The following BACH2 variants were observed in gnomAD, a reference collection of about 807,000 sequenced individuals.
BACH2 encodes transcription regulator protein BACH2.
Under a neutral mutation model 61.8 loss-of-function variants are expected in BACH2, and 5 were observed. That is an observed-to-expected ratio of 0.08 (90% CI 0.04 to 0.17). BACH2 has a LOEUF of 0.17. Ranked by LOEUF, BACH2 falls within the 10% of genes least tolerant of loss-of-function variation. BACH2 has a pLI of 1.00. For missense variants in BACH2, 824 were observed against 1,091.1 expected (o/e 0.76, Z 3.45); for synonymous variants, 446 against 440.1 (o/e 1.01, Z -0.17).
Position 89,932,715 on chromosome 6 carries a change from G to A in BACH2, c.2219C>T (p.Thr740Met), listed in dbSNP as rs878885096. 1.2e-5 allele frequency: 20 copies of A among 1,614,162 alleles called. No individual in the cohort carries two copies. Among genetic ancestry groups the A allele is most frequent in the South Asian group, 5.5e-5 (5 of 91,076 alleles). The change falls in exon 9 of 9, where the codon ACG becomes ATG. Residue 740 changes from threonine to methionine, a missense_variant. Physicochemically the swap from Thr to Met is moderately conservative, Grantham distance 81 (BLOSUM62 -1). Around this residue, in one of 8 missense-constraint regions of BACH2, gnomAD observed 135 missense variants for 142.7 expected, o/e 0.95. Coordinates refer to ENST00000257749, the MANE Select transcript of BACH2 (RefSeq NM_021813.4). Reference sequence around the variant, plus strand: ...GGGCGCAGGGTTAATACTGGAGGCCGTGGGCAAGTCCATGGGTCTGAGGAC... The same window carrying A: ...GGGCGCAGGGTTAATACTGGAGGCCATGGGCAAGTCCATGGGTCTGAGGAC... ...CPVLRPMDLP[T>M]ASSINPAPLG...
chr6:90,145,885 G>A (rs1021323460), intron 4 of BACH2, among the ~76,000 whole-genome samples: 1 of 152,156 alleles, frequency 6.6e-6, no homozygotes, highest in South Asian at 2.1e-4. Context: ...AACCGGTAGA[G>A]GAAGACAATG....
chr6:90,117,736 T>A (rs983087475), intron 4 of BACH2, among the ~76,000 whole-genome samples: 3 of 152,168 alleles, frequency 2.0e-5, no homozygotes, highest in African/African-American at 7.2e-5. Context: ...AGAGTGTATA[T>A]GTGGTTAGCT....
At chr6:90,292,498 C>G (rs956799685) in intron 1 of BACH2, among the ~76,000 whole-genome samples, 1 of 152,214 alleles carries the variant, frequency 6.6e-6, no homozygotes, top group African/African-American at 2.4e-5. Context: ...AGGAATCACA[C>G]TGTACTCATG....
intron 5 of BACH2, among the ~76,000 whole-genome samples, chr6:90,071,694 A>C (rs1174336565): frequency 6.6e-6 from 1 of 152,216 alleles, no homozygotes; most frequent in Non-Finnish European, 1.5e-5. Context: ...CCGATCCCCG[A>C]CGCAGTCGAA....
In BACH2 at chr6:90,030,307, C is replaced by G. The variant is rs568212444; in HGVS notation, c.-12-21451G>C. Among the ~76,000 whole-genome samples, 4 of 152,294 alleles carry G rather than the reference C, an allele frequency of 2.6e-5. No individual in the cohort carries two copies. In the East Asian group the frequency reaches 7.7e-4, roughly 29 times the overall value. On this transcript the variant is annotated intron_variant, in intron 5 of 8. Transcript: ENST00000257749. ...TGCTTTCAGAATGTGACAGCGACCACAGCCCAGGCCTCTGCTGCCCTGGGA... is the reference window on the plus strand; with the variant it reads ...TGCTTTCAGAATGTGACAGCGACCAGAGCCCAGGCCTCTGCTGCCCTGGGA...
At chr6:90,256,280 T>G (rs1185981065) in intron 2 of BACH2, among the ~76,000 whole-genome samples, 1 of 152,196 alleles carries the variant, frequency 6.6e-6, no homozygotes, top group Non-Finnish European at 1.5e-5. Context: ...GTTGGTGACA[T>G]GTGATTGAGT....
chr6:89,990,309 A>G (rs1776473660), intron 6 of BACH2, among the ~76,000 whole-genome samples: 1 of 152,218 alleles, frequency 6.6e-6, no homozygotes, highest in South Asian at 2.1e-4. Flanking sequence ...AATTCTATTG[A>G]AAGAGTTTTT....
At chr6:90,033,443 C>G (rs1779112707) in intron 5 of BACH2, among the ~76,000 whole-genome samples, 1 of 151,608 alleles carries the variant, frequency 6.6e-6, no homozygotes, top group African/African-American at 2.4e-5. Flanking sequence ...GTTCTACTCA[C>G]AGTGGTCTGA....
intron 6 of BACH2, among the ~76,000 whole-genome samples, chr6:89,989,454 G>A (rs888097876): frequency 2.0e-5 from 3 of 152,162 alleles, no homozygotes; most frequent in Admixed American, 6.5e-5. Flanking sequence ...AATAAACCCA[G>A]GGAGGTGGGA....
chr6:90,217,700 G>C (rs1176645141), intron 3 of BACH2, among the ~76,000 whole-genome samples: 1 of 152,068 alleles, frequency 6.6e-6, no homozygotes, highest in East Asian at 1.9e-4. Flanking sequence ...ATGCATGTAA[G>C]CAAATTTGAA....
At chr6:90,121,876 G>T (rs190528743) in intron 4 of BACH2, among the ~76,000 whole-genome samples, 1 of 152,254 alleles carries the variant, frequency 6.6e-6, no homozygotes, top group Admixed American at 6.5e-5. Flanking sequence ...AAGAAAAAAA[G>T]AGGCCAAATA....
chr6:90,269,203 G>C (rs1771442385), intron 2 of BACH2, among the ~76,000 whole-genome samples: 1 of 151,874 alleles, frequency 6.6e-6, no homozygotes, highest in African/African-American at 2.4e-5. Flanking sequence ...ACTCCGTGCA[G>C]ATTCTATTTA....
intron 5 of BACH2, among the ~76,000 whole-genome samples, chr6:90,034,764 A>G (rs1239625475): frequency 1.3e-5 from 2 of 152,130 alleles, no homozygotes; most frequent in Admixed American, 1.3e-4. Context: ...TTTGAGCACC[A>G]AAGATAACTG....
intron 1 of BACH2, among the ~76,000 whole-genome samples, chr6:90,295,861 C>G (rs1772345288): frequency 6.6e-6 from 1 of 152,276 alleles, no homozygotes; most frequent in Non-Finnish European, 1.5e-5. Flanking sequence ...TTCCTGCGAC[C>G]CTAAACTTGG....
In BACH2 at chr6:89,929,756, TG is replaced by T; in HGVS notation, c.*2651del. The stretch of plus-strand genomic sequence containing the variant: ...GAAACCTGAGGAAATGGATGGAATG[TG>T]GTCAAGACTACCAGTTGCACATGAG... On this transcript the variant is annotated 3_prime_UTR_variant, in exon 9 of 9. Coordinates refer to ENST00000257749, the MANE Select transcript of BACH2 (RefSeq NM_021813.4). 1 of 152,432 alleles carries T rather than the reference TG, an allele frequency of 6.6e-6. No homozygotes were observed. The highest frequency in any genetic ancestry group is 1.5e-5 in the Non-Finnish European group (1 of 68,038). The allele number at this position is 152,432 out of a possible 1,614,324, so 9.4% of individuals were successfully genotyped here.
chr6:89,952,931 T>C (rs1774219373), intron 6 of BACH2: 1 of 152,228 alleles, frequency 6.6e-6, no homozygotes. Flanking sequence ...ACCCTGCACA[T>C]AAAACCACAC....
chr6:90,085,452 G>A (rs1252003539), intron 5 of BACH2, among the ~76,000 whole-genome samples: 2 of 152,156 alleles, frequency 1.3e-5, no homozygotes, highest in South Asian at 4.1e-4. Flanking sequence ...GGAGGAACTG[G>A]AGCAGCCCCA....
At chr6:90,050,053 T>C (rs148961993) in intron 5 of BACH2, among the ~76,000 whole-genome samples, 6 of 152,330 alleles carry the variant, frequency 3.9e-5, no homozygotes, top group Non-Finnish European at 8.8e-5. Context: ...AGCTTTCAAA[T>C]AAAAACGTGA....
chr6:90,202,494 C>T (rs1242509536), intron 4 of BACH2, among the ~76,000 whole-genome samples: 1 of 152,068 alleles, frequency 6.6e-6, no homozygotes, highest in African/African-American at 2.4e-5. Context: ...CTAAAAGAGA[C>T]AAGGGGCACT....
Sources: allele counts gnomAD v4.1 joint callset (sites outside exome capture counted in the v4.1 genomes callset), GRCh38; gene constraint gnomAD v4.1.1; regional missense constraint gnomAD v4.1.1; transcripts MANE v1.5; gene names NCBI Gene and HGNC (gene_info 2026-07-23, HGNC 2026-07-21).